The following MCM6 variants were observed in gnomAD, a reference collection of about 807,000 sequenced individuals.
The protein encoded by MCM6 is minichromosome maintenance complex component 6, also known as DNA replication licensing factor MCM6.
MCM6 carries 46 observed loss-of-function variants against 94.3 expected under a neutral mutation model. That is an observed-to-expected ratio of 0.49 (90% CI 0.39 to 0.62). The LOEUF (loss-of-function observed/expected upper bound fraction) is 0.62. Among genes scored for constraint, MCM6 ranks in the 20% least tolerant of loss-of-function variants. MCM6 has a pLI of 0.00. For synonymous variants in MCM6, 335 were observed against 351.9 expected (o/e 0.95, Z 0.54); for missense variants, 865 against 1,017.9 (o/e 0.85, Z 2.04).
chr2:135,873,054 G>C (rs537267731), intron 1 of MCM6, among the ~76,000 whole-genome samples: 1 of 152,242 alleles, frequency 6.6e-6, no homozygotes, highest in East Asian at 1.9e-4. Context: ...CATGTTGTGG[G>C]AGGCACCTGG....
At chr2:135,845,432 C>T (rs894334949) in intron 15 of MCM6, among the ~76,000 whole-genome samples, 3 of 152,146 alleles carry the variant, frequency 2.0e-5, no homozygotes, top group African/African-American at 4.8e-5. Context: ...GTGTGAGACG[C>T]GAATGAGGAC....
Position 135,856,817 on chromosome 2 carries a change from A to C in MCM6, c.1537T>G (p.Ser513Ala). Residue 513 changes from serine to alanine, a missense_variant, in exon 11 of 17, where the codon TCA becomes GCA. Ser to Ala is a moderately conservative substitution (Grantham distance 99, BLOSUM62 1). Transcript: ENST00000264156. ...TTTATATTCTGTTTCAATGATTTTG[A>C]TCTGTCATAGTGTCCACTGATTGGG... is the stretch of plus-strand genomic sequence containing the variant. ...ANPISGHYDRSKSLKQNINLS... is the reference protein window; with the variant it reads ...ANPISGHYDRAKSLKQNINLS... 1 of 1,614,196 alleles carries C rather than the reference A, an allele frequency of 6.2e-7. No homozygotes were observed. The highest frequency in any genetic ancestry group is 8.5e-7 in the Non-Finnish European group (1 of 1,180,014).
chr2:135,853,716 T>A (rs1342448526), intron 11 of MCM6, among the ~76,000 whole-genome samples: 1 of 130,672 alleles, frequency 7.7e-6, no homozygotes, highest in Non-Finnish European at 1.6e-5. Flanking sequence ...TTTGAAGATA[T>A]TCATCCCAGA....
rs4988160 is a variant in MCM6, at chr2:135,871,471, G to A, written c.255-1110C>T. Among the ~76,000 whole-genome samples the A allele has an allele frequency of 8.5e-3, 1,294 of 152,244 alleles. 89 individuals carry two copies. In the East Asian group the frequency reaches 0.18, roughly 21 times the overall value. ...TCTCCTAATCTACTAAGAAATGAAC[G>A]AGACTGTGCCTCCTTATCCCTGGGT... On this transcript the variant is annotated intron_variant, in intron 2 of 16. Coordinates refer to ENST00000264156, the MANE Select transcript of MCM6 (RefSeq NM_005915.6).
chr2:135,870,467 T>A, intron 2 of MCM6, 106 bp from the exon 3 acceptor site: 1 of 768,296 alleles, frequency 1.3e-6, no homozygotes, highest in Non-Finnish European at 2.3e-6. Flanking sequence ...TGGTTACAAC[T>A]AAACCTTAGA....
chr2:135,840,846 G>T lies in MCM6; in HGVS notation c.2455C>A (p.Leu819Ile), dbSNP rs1455864588. 6.2e-7 allele frequency: 1 copy of T among 1,608,922 alleles called. No homozygotes were observed. The highest frequency in any genetic ancestry group is 8.5e-7 in the Non-Finnish European group (1 of 1,175,246). Residue 819 changes from leucine (L) to isoleucine (I), a missense_variant, in exon 17 of 17, where the codon CTC becomes ATC. Around this residue, in one of 3 missense-constraint regions of MCM6, gnomAD observed 308 missense variants for 324.5 expected, o/e 0.95. Coordinates refer to ENST00000264156, the MANE Select transcript of MCM6 (RefSeq NM_005915.6). ...PYLVVNPNYLLED is the reference protein window; with the variant it reads ...PYLVVNPNYLIED ...TTACTTTCACTATCTCAATCTTCGAGCAAGTAGTTAGGGTTAACTACCAAG... is the reference window on the plus strand; with the variant it reads ...TTACTTTCACTATCTCAATCTTCGATCAAGTAGTTAGGGTTAACTACCAAG...
chr2:135,842,102 C>T (rs1249153277), intron 16 of MCM6, among the ~76,000 whole-genome samples: 1 of 148,848 alleles, frequency 6.7e-6, no homozygotes, highest in Non-Finnish European at 1.5e-5. Context: ...AAGACTCTCT[C>T]AAAAGATAAA....
intron 7 of MCM6, 70 bp downstream of exon 7, chr2:135,864,943 A>C (rs1202259077): frequency 8.2e-7 from 1 of 1,213,294 alleles, no homozygotes. Context: ...TGCTTTCAGA[A>C]ATCACCTGTG....
At chr2:135,854,291 G>A (rs1377285897) in intron 11 of MCM6, among the ~76,000 whole-genome samples, 1 of 151,986 alleles carries the variant, frequency 6.6e-6, no homozygotes, top group Non-Finnish European at 1.5e-5. Flanking sequence ...TCAGCACGTT[G>A]GGAGGCCAAG....
intron 4 of MCM6, 56 bp from the exon 5 acceptor site, chr2:135,866,784 A>G: frequency 7.1e-7 from 1 of 1,415,234 alleles, no homozygotes; most frequent in Non-Finnish European, 9.6e-7. Context: ...TTCAGATGCC[A>G]TATAATCTAA....
In MCM6 at chr2:135,856,883, C is replaced by A; in HGVS notation, c.1471G>T (p.Ala491Ser). Residue 491 changes from alanine to serine, a missense_variant and splice_region_variant, in exon 11 of 17, where the codon GCT (alanine) becomes TCT (serine). By Grantham distance (99) the Ala-to-Ser change is moderately conservative. Transcript: ENST00000264156. The stretch of plus-strand genomic sequence containing the variant: ...ATGGACGTCCGGGCGTTCAGAGTAG[C>A]CTGACCACAAAAGAAAGAATCTTAA... Reference protein sequence around the residue: ...TISITKAGVKATLNARTSILA... With the variant: ...TISITKAGVKSTLNARTSILA... 1 of 1,608,724 alleles carries A rather than the reference C, an allele frequency of 6.2e-7. No homozygotes were observed. Among genetic ancestry groups the A allele is most frequent in the Non-Finnish European group, 8.5e-7 (1 of 1,178,212 alleles).
rs1472167121 is a variant in MCM6, at chr2:135,876,251, C to G, written c.107+8G>C. ...GGCGGGCGAGGCCCGGGGCGCTCGC[C>G]GACTTACTCCTCCAAGAAGTCCAGG... On this transcript the variant is annotated splice_region_variant and intron_variant, in intron 1 of 16. Transcript: ENST00000264156. 3 of 1,590,810 alleles carry G rather than the reference C, an allele frequency of 1.9e-6. No homozygotes were observed. Among genetic ancestry groups the G allele is most frequent in the Non-Finnish European group, 2.6e-6 (3 of 1,172,480 alleles).
At chr2:135,843,950 G>A (rs1192263689) in intron 16 of MCM6, among the ~76,000 whole-genome samples, 1 of 151,954 alleles carries the variant, frequency 6.6e-6, no homozygotes, top group Non-Finnish European at 1.5e-5. Context: ...GTGAGAGAGT[G>A]AGGCAAAGAA....
chr2:135,862,461 T>C, intron 8 of MCM6, 146 bp downstream of exon 8: 1 of 889,280 alleles, frequency 1.1e-6, no homozygotes, highest in Non-Finnish European at 1.6e-6. Context: ...AATGTTGCCA[T>C]AACTTTAATC....
rs1032857455 is a variant in MCM6, at chr2:135,846,118, T to C, written c.2209+119A>G. 135 of 968,618 alleles carry C rather than the reference T, an allele frequency of 1.4e-4. 2 individuals carry two copies. Among genetic ancestry groups the C allele is most frequent in the Non-Finnish European group, 5.3e-5 (34 of 647,198 alleles). 60.0% of individuals were successfully genotyped at this position (968,618 alleles called of 1,614,324 possible). A position where few individuals can be genotyped will look rare whatever the true frequency, so the allele number is the denominator to read the frequency against. On this transcript the variant is annotated intron_variant, in intron 15 of 16. Transcript: ENST00000264156. ...AATTTACTTTGCTAAAGTGAGTTTA[T>C]CTAACAACTTATCCTCTCTTCCGAC...
chr2:135,846,339 T>C lies in MCM6; in HGVS notation c.2107A>G (p.Ile703Val). The part of the protein sequence containing the change: ...VNGINGYNED[I>V]NQESAPKASL... Reference sequence around the variant, plus strand: ...GCTTTGGGAGCAGACTCTTGATTTATGTCTTCATTGTAGCCATTGATCCCG... The same window carrying C: ...GCTTTGGGAGCAGACTCTTGATTTACGTCTTCATTGTAGCCATTGATCCCG... Residue 703 changes from isoleucine (I) to valine (V), a missense_variant, in exon 15 of 17, where the codon ATA becomes GTA. By Grantham distance (29) the Ile-to-Val change is conservative. Around this residue, in one of 3 missense-constraint regions of MCM6, gnomAD observed 308 missense variants for 324.5 expected, o/e 0.95. Transcript: ENST00000264156. 1.2e-6 allele frequency: 2 copies of C among 1,614,168 alleles called. No individual in the cohort carries two copies. Among genetic ancestry groups the C allele is most frequent in the South Asian group, 1.1e-5 (1 of 91,080 alleles).
Position 135,839,722 on chromosome 2 carries a change from AAG to A in MCM6, c.*1111_*1112del, listed in dbSNP as rs1679532622. 6.6e-6 allele frequency: 1 copy of A among 152,228 alleles called. No individual in the cohort carries two copies. Among genetic ancestry groups the A allele is most frequent in the South Asian group, 2.1e-4 (1 of 4,836 alleles). The allele number at this position is 152,228 out of a possible 1,614,324, so 9.4% of individuals were successfully genotyped here. On this transcript the variant is annotated 3_prime_UTR_variant, in exon 17 of 17. Coordinates refer to ENST00000264156, the MANE Select transcript of MCM6 (RefSeq NM_005915.6). ...GTTTCATACAAGTTGATTCCAGGGAAAGAGATAATTATTGGGAGAAACATATT... is the reference window on the plus strand; with the variant it reads ...GTTTCATACAAGTTGATTCCAGGGAAAGATAATTATTGGGAGAAACATATT...
At chr2:135,866,298 GT>G in intron 5 of MCM6, 21 bp from the exon 6 acceptor site, 1 of 1,612,404 alleles carries the variant, frequency 6.2e-7, no homozygotes. Context: ...ATGATAGGTT[GT>G]TTCACAACTT....
chr2:135,843,789 T>G (rs1575356851), intron 16 of MCM6, among the ~76,000 whole-genome samples: 1 of 144,530 alleles, frequency 6.9e-6, no homozygotes, highest in African/African-American at 2.6e-5. Context: ...GAATAACCAG[T>G]GAGAAAGAAG....
Sources: allele counts gnomAD v4.1 joint callset (sites outside exome capture counted in the v4.1 genomes callset), GRCh38; gene constraint gnomAD v4.1.1; regional missense constraint gnomAD v4.1.1; transcripts MANE v1.5; gene names NCBI Gene and HGNC (gene_info 2026-07-23, HGNC 2026-07-21).